The following ADGRL2 variants were observed in gnomAD, a reference collection of about 807,000 sequenced individuals.
ADGRL2 encodes adhesion G protein-coupled receptor L2.
A neutral mutation model predicts 157.4 loss-of-function variants in ADGRL2; 44 were observed. The ratio of observed to expected loss-of-function variants is 0.28; its 90% CI spans 0.22 to 0.36. ADGRL2 has a LOEUF of 0.36. Among genes scored for constraint, ADGRL2 ranks in the 10% least tolerant of loss-of-function variants. The pLI, the probability that ADGRL2 is intolerant of heterozygous loss-of-function variation, is 1.00. For synonymous variants in ADGRL2, 585 were observed against 624.7 expected (o/e 0.94, Z 0.95); for missense variants, 1,510 against 1,768.9 (o/e 0.85, Z 2.63).
chr1:81,356,445 CT>C (rs951149273), intron 1 of ADGRL2, among the ~76,000 whole-genome samples: 1 of 151,470 alleles, frequency 6.6e-6, no homozygotes, highest in Non-Finnish European at 1.5e-5. Context: ...CTGAAACTAA[CT>C]TTTTTTTTGT....
At chr1:81,634,867 T>C (rs551932167) in intron 3 of ADGRL2, among the ~76,000 whole-genome samples, 105 of 152,144 alleles carry the variant, frequency 6.9e-4, no homozygotes, top group Non-Finnish European at 1.3e-3. Flanking sequence ...ACACTGTTGA[T>C]GGCCTATCCT....
intron 1 of ADGRL2, among the ~76,000 whole-genome samples, chr1:81,368,705 T>C (rs952396388): frequency 6.6e-5 from 10 of 152,186 alleles, no homozygotes; most frequent in Non-Finnish European, 1.3e-4. Flanking sequence ...TTTACACTGC[T>C]ACAGTACTTA....
At chr1:81,687,513 A>C (rs1189536790) in intron 3 of ADGRL2, among the ~76,000 whole-genome samples, 5 of 152,020 alleles carry the variant, frequency 3.3e-5, no homozygotes, top group Non-Finnish European at 5.9e-5. Context: ...CTACTCCTTT[A>C]CTTTAAGTTT....
intron 3 of ADGRL2, chr1:81,596,116 T>C (rs1170421178): frequency 4.4e-5 from 15 of 339,656 alleles, no homozygotes; most frequent in Non-Finnish European, 7.9e-5. Context: ...TTTTTTTTTT[T>C]AACAACTGGT....
chr1:81,669,713 C>T (rs768159468), intron 3 of ADGRL2, among the ~76,000 whole-genome samples: 55 of 151,872 alleles, frequency 3.6e-4, no homozygotes, highest in African/African-American at 8.9e-4. Flanking sequence ...GAGGCCAAGG[C>T]GGGCGGATCA....
intron 2 of ADGRL2, among the ~76,000 whole-genome samples, chr1:81,794,262 G>A (rs1425362157): frequency 6.6e-6 from 1 of 152,134 alleles, no homozygotes; most frequent in Non-Finnish European, 1.5e-5. Flanking sequence ...TACTAATTAA[G>A]TTGCCGTCAT....
chr1:81,604,134 T>C (rs2081386839), intron 3 of ADGRL2, among the ~76,000 whole-genome samples: 1 of 152,100 alleles, frequency 6.6e-6, no homozygotes, highest in Admixed American at 6.6e-5. Flanking sequence ...CGGTTAATTT[T>C]TTTTAATTTT....
At chr1:81,469,629 A>T (rs1206438767) in intron 2 of ADGRL2, among the ~76,000 whole-genome samples, 1 of 152,092 alleles carries the variant, frequency 6.6e-6, no homozygotes, top group Non-Finnish European at 1.5e-5. Context: ...CCTTTTATCT[A>T]AAAAAACCAC....
intron 3 of ADGRL2, among the ~76,000 whole-genome samples, chr1:81,679,962 C>T (rs75624661): frequency 0.015 from 2,339 of 152,260 alleles, 68 homozygotes; most frequent in African/African-American, 0.054. Context: ...TATTGTAAGT[C>T]TTATTTATAA....
intron 2 of ADGRL2, among the ~76,000 whole-genome samples, chr1:81,883,777 C>T (rs12129368): frequency 0.27 from 41,009 of 151,776 alleles, 6,293 homozygotes; most frequent in Middle Eastern, 0.5. Flanking sequence ...TTGTTTTTCT[C>T]TTTCTAGCAC....
intron 2 of ADGRL2, among the ~76,000 whole-genome samples, chr1:81,523,043 A>T (rs922515639): frequency 7.5e-6 from 1 of 133,508 alleles, no homozygotes; most frequent in Non-Finnish European, 1.5e-5. Context: ...AACACAGAAA[A>T]AAAGTTACCT....
intron 3 of ADGRL2, among the ~76,000 whole-genome samples, chr1:81,642,688 T>A (rs1363612207): frequency 6.6e-6 from 1 of 152,100 alleles, no homozygotes; most frequent in Non-Finnish European, 1.5e-5. Flanking sequence ...CAACAAAATA[T>A]TGGCACACCA....
intron 5 of ADGRL2, 199 bp from the exon 6 acceptor site, chr1:81,942,770 C>T (rs1572263154): frequency 3.2e-6 from 2 of 627,864 alleles, no homozygotes; most frequent in East Asian, 5.8e-5. Context: ...TAAACATAAA[C>T]TTCAGTTACT....
intron 3 of ADGRL2, among the ~76,000 whole-genome samples, chr1:81,655,251 C>G (rs529053608): frequency 6.6e-6 from 1 of 152,130 alleles, no homozygotes; most frequent in African/African-American, 2.4e-5. Context: ...CCGCCCGCCT[C>G]GGCCTCCCAA....
chr1:81,435,899 C>T (rs2077400371), intron 1 of ADGRL2, among the ~76,000 whole-genome samples: 1 of 152,016 alleles, frequency 6.6e-6, no homozygotes, highest in African/African-American at 2.4e-5. Flanking sequence ...GAGTTTGAGA[C>T]CAGCCTGACC....
chr1:81,429,980 G>T (rs1440865774), intron 1 of ADGRL2, among the ~76,000 whole-genome samples: 1 of 152,046 alleles, frequency 6.6e-6, no homozygotes, highest in African/African-American at 2.4e-5. Flanking sequence ...CGCAACCTCC[G>T]CCTCCTGGGT....
At chr1:81,867,195 TATG>T (rs991615723) in intron 2 of ADGRL2, among the ~76,000 whole-genome samples, 8 of 152,200 alleles carry the variant, frequency 5.3e-5, no homozygotes, top group Non-Finnish European at 8.8e-5. Flanking sequence ...AAATTACTTT[TATG>T]ATTAGTGTTT....
At chr1:81,676,570 G>T (rs1009920456) in intron 3 of ADGRL2, among the ~76,000 whole-genome samples, 2 of 152,170 alleles carry the variant, frequency 1.3e-5, no homozygotes, top group Non-Finnish European at 2.9e-5. Flanking sequence ...CAAAGTGCTG[G>T]TATTACAGGC....
At position 81,567,114 on chromosome 1, in the gene ADGRL2, G is replaced by T. The variant is rs1329088250; in HGVS notation, c.-247-13762G>T. On this transcript the variant is annotated intron_variant, in intron 2 of 24. Transcript: ENST00000370721. Reference sequence around the variant, plus strand: ...TTTTAGACTTTATTAACAATGTGGGGATCAGAGGGGCATGAGCTAACAGCT... The same window carrying T: ...TTTTAGACTTTATTAACAATGTGGGTATCAGAGGGGCATGAGCTAACAGCT... Among the ~76,000 whole-genome samples the T allele has an allele frequency of 3.3e-5, 5 of 152,206 alleles. No homozygotes were observed. The East Asian group carries it at 7.7e-4, about 24-fold the overall frequency.
Sources: gnomAD v4.1 joint callset for allele counts (sites outside exome capture counted in the v4.1 genomes callset) on GRCh38, gnomAD v4.1.1 for gene constraint, MANE v1.5 for transcripts, NCBI Gene and HGNC (gene_info 2026-07-23, HGNC 2026-07-21) for gene names.